The following FBXL7 variants were observed in gnomAD, a reference collection of about 807,000 sequenced individuals.
The protein encoded by FBXL7 is F-box/LRR-repeat protein 7.
A neutral mutation model predicts 38.3 loss-of-function variants in FBXL7; 12 were observed. The observed-to-expected ratio is 0.31, with a 90% CI of 0.20 to 0.51. The LOEUF (loss-of-function observed/expected upper bound fraction) is 0.51. Ranked by LOEUF, FBXL7 falls within the 20% of genes least tolerant of loss-of-function variation. The pLI is 0.98. For missense variants in FBXL7, 567 were observed against 676.4 expected (o/e 0.84, Z 1.79); for synonymous variants, 297 against 300.9 (o/e 0.99, Z 0.13).
At chr5:15,586,461 C>A (rs749550373) in intron 1 of FBXL7, among the ~76,000 whole-genome samples, 46 of 151,786 alleles carry the variant, frequency 3.0e-4, no homozygotes, top group Non-Finnish European at 1.8e-4. Context: ...ATATAACTTT[C>A]ATGAAGTGTT....
intron 1 of FBXL7, chr5:15,501,647 C>A: frequency 1.0e-6 from 1 of 985,500 alleles, no homozygotes; most frequent in South Asian, 4.7e-5. Flanking sequence ...GGTAGGAATG[C>A]AGGCTAGCTA....
chr5:15,525,880 T>C (rs1256309019), intron 1 of FBXL7, among the ~76,000 whole-genome samples: 1 of 152,130 alleles, frequency 6.6e-6, no homozygotes, highest in Non-Finnish European at 1.5e-5. Flanking sequence ...ACAAGATTAT[T>C]TGAAGTATTA....
intron 2 of FBXL7, among the ~76,000 whole-genome samples, chr5:15,708,669 T>C (rs185290382): frequency 6.6e-6 from 1 of 152,324 alleles, no homozygotes; most frequent in East Asian, 1.9e-4. Context: ...AAATTCCTTT[T>C]TTTTGATTTT....
intron 2 of FBXL7, among the ~76,000 whole-genome samples, chr5:15,793,573 G>C (rs1445049624): frequency 6.6e-6 from 1 of 152,192 alleles, no homozygotes; most frequent in Non-Finnish European, 1.5e-5. Flanking sequence ...GGTTCAAGAG[G>C]TTAGAACATG....
rs556865477 is a variant in FBXL7, at chr5:15,885,895, T to A, written c.128-41995T>A. Reference sequence around the variant, plus strand: ...GGGATTTTTTAATTTATTTTATTTTTTTTTTTGTAGAGACGAGGTTTCACC... The same window carrying A: ...GGGATTTTTTAATTTATTTTATTTTATTTTTTGTAGAGACGAGGTTTCACC... On this transcript the variant is annotated intron_variant, in intron 2 of 3. Coordinates refer to ENST00000504595, the MANE Select transcript of FBXL7 (RefSeq NM_012304.5). 1.6e-4 allele frequency among the ~76,000 whole-genome samples: 25 copies of A among 152,130 alleles called. No individual in the cohort carries two copies. In the East Asian group the frequency reaches 3.9e-3, roughly 24 times the overall value.
chr5:15,662,985 C>CT (rs1440291446), intron 2 of FBXL7, among the ~76,000 whole-genome samples: 1 of 151,908 alleles, frequency 6.6e-6, no homozygotes, highest in African/African-American at 2.4e-5. Flanking sequence ...TATTTGGGCT[C>CT]TTTTTTTGGT....
intron 2 of FBXL7, among the ~76,000 whole-genome samples, chr5:15,843,063 A>G (rs1579511327): frequency 6.6e-6 from 1 of 152,294 alleles, no homozygotes; most frequent in Non-Finnish European, 1.5e-5. Flanking sequence ...TCTTTATATC[A>G]GGCTTATGTT....
At chr5:15,537,335 G>T (rs972039515) in intron 1 of FBXL7, among the ~76,000 whole-genome samples, 1 of 152,122 alleles carries the variant, frequency 6.6e-6, no homozygotes, top group African/African-American at 2.4e-5. Context: ...TTAAGAAGAA[G>T]TTTTTGAGGC....
chr5:15,742,813 A>G (rs1735926013), intron 2 of FBXL7, among the ~76,000 whole-genome samples: 1 of 152,200 alleles, frequency 6.6e-6, no homozygotes, highest in African/African-American at 2.4e-5. Flanking sequence ...ATTGACTCAC[A>G]GTTTAGCATG....
intron 2 of FBXL7, among the ~76,000 whole-genome samples, chr5:15,764,348 A>G (rs1352306293): frequency 2.0e-5 from 3 of 152,254 alleles, no homozygotes; most frequent in Non-Finnish European, 4.4e-5. Context: ...TGAAAATGCA[A>G]GTATAGAGAG....
At chr5:15,848,364 T>G (rs568757449) in intron 2 of FBXL7, among the ~76,000 whole-genome samples, 3 of 152,018 alleles carry the variant, frequency 2.0e-5, no homozygotes, top group African/African-American at 7.2e-5. Context: ...GTTTTCCGAG[T>G]GTATATGCAT....
At chr5:15,507,162 G>T (rs1736670325) in intron 1 of FBXL7, among the ~76,000 whole-genome samples, 1 of 151,956 alleles carries the variant, frequency 6.6e-6, no homozygotes, top group African/African-American at 2.4e-5. Context: ...ATTGGCCTAA[G>T]ATATCTCAAA....
At chr5:15,592,983 T>C (rs796363985) in intron 1 of FBXL7, among the ~76,000 whole-genome samples, 10 of 152,288 alleles carry the variant, frequency 6.6e-5, no homozygotes, top group African/African-American at 2.4e-4. Flanking sequence ...GCTGTATGGT[T>C]AGGCATTTGG....
chr5:15,544,642 G>A (rs1737851940), intron 1 of FBXL7, among the ~76,000 whole-genome samples: 1 of 152,086 alleles, frequency 6.6e-6, no homozygotes, highest in South Asian at 2.1e-4. Context: ...TAAGTTTTGG[G>A]CCTAGGCTGA....
intron 2 of FBXL7, among the ~76,000 whole-genome samples, chr5:15,746,758 C>G (rs867406003): frequency 3.7e-4 from 56 of 152,022 alleles, no homozygotes; most frequent in Admixed American, 1.3e-4. Flanking sequence ...CAAAATATGT[C>G]TAGTGAATGG....
At chr5:15,917,630 A>T (rs1383554943) in intron 2 of FBXL7, among the ~76,000 whole-genome samples, 1 of 138,704 alleles carries the variant, frequency 7.2e-6, no homozygotes, top group Admixed American at 7.5e-5. Context: ...AATGAAAGAA[A>T]GTAAAGGAAG....
At chr5:15,805,447 C>A (rs193068197) in intron 2 of FBXL7, among the ~76,000 whole-genome samples, 2 of 152,154 alleles carry the variant, frequency 1.3e-5, no homozygotes. Context: ...CTTAAAATAT[C>A]ATATTGAAAC....
At chr5:15,730,426 A>G (rs1384724911) in intron 2 of FBXL7, among the ~76,000 whole-genome samples, 1 of 152,110 alleles carries the variant, frequency 6.6e-6, no homozygotes, top group Non-Finnish European at 1.5e-5. Context: ...TTCTTGAGTG[A>G]TTATTCTTCA....
chr5:15,677,070 C>T (rs948217074), intron 2 of FBXL7, among the ~76,000 whole-genome samples: 2 of 152,184 alleles, frequency 1.3e-5, no homozygotes, highest in Non-Finnish European at 2.9e-5. Context: ...GAATCATCAT[C>T]GTTCTTATTA....
Sources: gnomAD v4.1 joint callset for allele counts (sites outside exome capture counted in the v4.1 genomes callset) on GRCh38, gnomAD v4.1.1 for gene constraint, MANE v1.5 for transcripts, NCBI Gene and HGNC (gene_info 2026-07-23, HGNC 2026-07-21) for gene names.